The following RELN variants were observed in gnomAD, a reference collection of about 807,000 sequenced individuals.
RELN encodes reelin.
A neutral mutation model predicts 427.6 loss-of-function variants in RELN; 108 were observed. The observed-to-expected ratio is 0.25, with a 90% confidence interval of 0.22 to 0.30. The LOEUF is 0.30. Among genes scored for constraint, RELN ranks in the 10% least tolerant of loss-of-function variants. The pLI is 1.00. For missense variants in RELN, 3,715 were observed against 4,302.8 expected (o/e 0.86, Z 3.82); for synonymous variants, 1,524 against 1,513.4 (o/e 1.01, Z -0.16).
At chr7:103,740,063 G>A (rs1002004711) in intron 6 of RELN, among the ~76,000 whole-genome samples, 1 of 152,120 alleles carries the variant, frequency 6.6e-6, no homozygotes, top group Non-Finnish European at 1.5e-5. Flanking sequence ...GATGGCTGGG[G>A]ACCAGAGGTG....
chr7:103,573,188 G>GC lies in RELN; in HGVS notation c.4511+903dup, dbSNP rs1317261169. ...ATTCCTGACCTCAAGTGATCCACCT[G>GC]CCTCAGTCTCCCAAAGTGCTGGCAT... On this transcript the variant is annotated intron_variant, in intron 30 of 64. Transcript: ENST00000428762. This position sits in a 1 kb window ranked among gnomAD's most constrained non-coding sequence, Gnocchi z 4.4. Among the ~76,000 whole-genome samples the GC allele has an allele frequency of 6.6e-6, 1 of 152,218 alleles. No homozygotes were observed. The highest frequency in any genetic ancestry group is 2.4e-5 in the African/African-American group (1 of 41,458).
chr7:103,821,984 C>A (rs1434396537), intron 3 of RELN, among the ~76,000 whole-genome samples: 1 of 151,952 alleles, frequency 6.6e-6, no homozygotes, highest in Non-Finnish European at 1.5e-5. Context: ...ATGTGGATAA[C>A]CAAAACCTCA....
At chr7:103,736,251 C>T (rs1447527604) in intron 6 of RELN, among the ~76,000 whole-genome samples, 1 of 152,270 alleles carries the variant, frequency 6.6e-6, no homozygotes, top group East Asian at 1.9e-4. Context: ...TACAATATAG[C>T]TGTTTTATAA....
rs55656324 is a variant in RELN at position 103,989,356 on chromosome 7, T to TGCCGCC, written c.-6_-1dup. Reference sequence around the variant, plus strand: ...TGCCGGGCCCAGCCACTGCGCTCCATGCCGCCGCCGCCGCCGCCGCCGCCG... The same window carrying TGCCGCC: ...TGCCGGGCCCAGCCACTGCGCTCCATGCCGCCGCCGCCGCCGCCGCCGCCGCCGCCG... On this transcript the variant is annotated 5_prime_UTR_variant, in exon 1 of 65. Transcript: ENST00000428762. This position sits in a 1 kb window ranked among gnomAD's most constrained non-coding sequence, Gnocchi z 4.9. 0.44 allele frequency: 610,526 copies of TGCCGCC among 1,394,188 alleles called. 122,293 individuals carry two copies. Among genetic ancestry groups the TGCCGCC allele is most frequent in the East Asian group, 0.65 (20,604 of 31,670 alleles). 86.4% of individuals were successfully genotyped at this position (1,394,188 alleles called of 1,614,324 possible). A position where few individuals can be genotyped will look rare whatever the true frequency, so the allele number is the denominator to read the frequency against.
At chr7:103,937,344 T>A (rs773270436) in intron 1 of RELN, among the ~76,000 whole-genome samples, 1 of 152,228 alleles carries the variant, frequency 6.6e-6, no homozygotes, top group Non-Finnish European at 1.5e-5. Flanking sequence ...ACATGTTTTG[T>A]TGGGATAGCA....
At chr7:103,908,719 T>C (rs763596565) in intron 2 of RELN, among the ~76,000 whole-genome samples, 1 of 152,326 alleles carries the variant, frequency 6.6e-6, no homozygotes, top group East Asian at 1.9e-4. Flanking sequence ...GAATTATTTA[T>C]CATATGTCAA....
intron 26 of RELN, 100 bp from the exon 27 acceptor site, chr7:103,593,982 C>A: frequency 1.1e-6 from 1 of 918,080 alleles, no homozygotes; most frequent in Non-Finnish European, 1.7e-6. Flanking sequence ...GTACCATTTG[C>A]ATTTCTAGGA....
In RELN at chr7:103,850,137, T is replaced by C. The variant is rs116618483; in HGVS notation, c.338-16465A>G. Among the ~76,000 whole-genome samples the C allele has an allele frequency of 4.6e-3, 704 of 152,276 alleles. 6 individuals carry two copies. The highest frequency in any genetic ancestry group is 0.016 in the African/African-American group (678 of 41,560). ...CTTTTTCTATCCACAAAATATATCATAGGTTCATAACAAATGTCAATGGAA... is the reference window on the plus strand; with the variant it reads ...CTTTTTCTATCCACAAAATATATCACAGGTTCATAACAAATGTCAATGGAA... On this transcript the variant is annotated intron_variant, in intron 2 of 64. Transcript: ENST00000428762.
chr7:103,669,462 C>T (rs1392063349), intron 11 of RELN, among the ~76,000 whole-genome samples: 1 of 152,140 alleles, frequency 6.6e-6, no homozygotes, highest in East Asian at 1.9e-4. Context: ...GATCCCAGAG[C>T]TCTATCAACT....
rs542588807 is a variant in RELN, at chr7:103,601,152, G to A, written c.3333+2152C>T. ...TGTGTATGTGTATGTGTGCTTACTG[G>A]GGTGTCTGAGTACATACTGGTAAAA... On this transcript the variant is annotated intron_variant, in intron 24 of 64. Transcript: ENST00000428762. 5.3e-5 allele frequency among the ~76,000 whole-genome samples: 8 copies of A among 152,062 alleles called. No individual in the cohort carries two copies. The South Asian group carries it at 1.7e-3, about 32-fold the overall frequency.
intron 7 of RELN, among the ~76,000 whole-genome samples, chr7:103,727,726 T>C (rs189304013): frequency 6.6e-6 from 1 of 152,302 alleles, no homozygotes; most frequent in African/African-American, 2.4e-5. Flanking sequence ...GTGATAAAAC[T>C]GAACATCTAA....
rs1424394208 is a variant in RELN at position 103,539,164 on chromosome 7, A to C, written c.7094T>G (p.Val2365Gly). 6.8e-6 allele frequency: 11 copies of C among 1,614,088 alleles called. No homozygotes were observed. In the African/African-American group the frequency reaches 8.0e-5, roughly 12 times the overall value. ...VFIEKASTRYVVSTDVAVNED... is the reference protein window; with the variant it reads ...VFIEKASTRYGVSTDVAVNED... ...ATTCACGGCAACGTCTGTGCTGACC[A>C]CGTAACGGGTGCTGGCCTTTTCAAT... Residue 2365 changes from valine to glycine, a missense_variant, in exon 45 of 65, where the codon GTG becomes GGG. By Grantham distance (109) the Val-to-Gly change is moderately radical. Around this residue, in one of 4 missense-constraint regions of RELN, gnomAD observed 1,310 missense variants for 1,643.0 expected, o/e 0.80. Transcript: ENST00000428762.
chr7:103,687,787 G>C (rs1416270929), intron 10 of RELN, among the ~76,000 whole-genome samples: 2 of 152,082 alleles, frequency 1.3e-5, no homozygotes, highest in Non-Finnish European at 2.9e-5. Context: ...GGCAAAAGAT[G>C]CATTAGGCAG....
intron 4 of RELN, among the ~76,000 whole-genome samples, chr7:103,771,144 T>TGAC (rs1791559748): frequency 6.6e-6 from 1 of 151,772 alleles, no homozygotes; most frequent in Non-Finnish European, 1.5e-5. Context: ...CTCAAACTCC[T>TGAC]GACCTCAGGT....
chr7:103,791,037 T>A (rs1293740938), intron 3 of RELN, among the ~76,000 whole-genome samples: 1 of 151,844 alleles, frequency 6.6e-6, no homozygotes, highest in African/African-American at 2.4e-5. Flanking sequence ...TTGAAAAGAA[T>A]AAGGTACTTA....
intron 26 of RELN, 85 bp from the exon 27 acceptor site, chr7:103,593,967 G>A (rs1831480288): frequency 9.8e-7 from 1 of 1,020,096 alleles, no homozygotes; most frequent in Non-Finnish European, 1.5e-6. Context: ...GACATGCTGG[G>A]CCATGTACCA....
intron 20 of RELN, among the ~76,000 whole-genome samples, chr7:103,625,689 GAAGA>G (rs1236125644): frequency 5.4e-5 from 8 of 147,694 alleles, no homozygotes; most frequent in Non-Finnish European, 6.1e-5. Context: ...CCTTTTTTTA[GAAGA>G]AATAAAGAAA....
chr7:103,757,333 A>C (rs928870129), intron 4 of RELN, among the ~76,000 whole-genome samples: 1 of 152,168 alleles, frequency 6.6e-6, no homozygotes, highest in African/African-American at 2.4e-5. Flanking sequence ...CCATTGAACT[A>C]GCTCTAGATT....
chr7:103,491,555 G>C (rs1828651153), intron 58 of RELN, among the ~76,000 whole-genome samples: 1 of 152,028 alleles, frequency 6.6e-6, no homozygotes, highest in South Asian at 2.1e-4. Context: ...TCCTCTGTAA[G>C]CAGCTGCCTT....
Sources: allele counts gnomAD v4.1 joint callset (sites outside exome capture counted in the v4.1 genomes callset), GRCh38; gene constraint gnomAD v4.1.1; regional missense constraint gnomAD v4.1.1; non-coding constraint Gnocchi (gnomAD v3.1); transcripts MANE v1.5; gene names NCBI Gene and HGNC (gene_info 2026-07-23, HGNC 2026-07-21).